Variants in NFATC1 observed in about 807,000 individuals in gnomAD.
The protein encoded by NFATC1 is nuclear factor of activated T-cells, cytoplasmic 1.
Under a neutral mutation model 76.0 loss-of-function variants are expected in NFATC1, and 22 were observed. The observed-to-expected ratio is 0.29, with a 90% CI of 0.21 to 0.41. The LOEUF (loss-of-function observed/expected upper bound fraction) is 0.41. Ranked by LOEUF, NFATC1 falls within the 10% of genes least tolerant of loss-of-function variation. NFATC1 has a pLI of 1.00. For synonymous variants in NFATC1, 704 were observed against 613.1 expected, an observed-to-expected ratio of 1.15 and a Z score of -2.19; for missense variants, 1,357 against 1,337.7, an observed-to-expected ratio of 1.01 and a Z score of -0.23.
At chr18:79,424,995 A>G (rs111067471) in intron 2 of NFATC1, among the ~76,000 whole-genome samples, 44,596 of 105,616 alleles carry the variant, frequency 0.42, 7,937 homozygotes, top group African/African-American at 0.59. Context: ...CTCTGTGTCT[A>G]TCTCTGTGTC....
At chr18:79,407,806 T>G (rs550714952) in intron 1 of NFATC1, among the ~76,000 whole-genome samples, 1 of 152,272 alleles carries the variant, frequency 6.6e-6, no homozygotes, top group African/African-American at 2.4e-5. Flanking sequence ...GTGGCTCCCG[T>G]CCTCTTGAGG....
At chr18:79,453,516 CTG>C (rs1047418748) in intron 6 of NFATC1, among the ~76,000 whole-genome samples, 2 of 152,248 alleles carry the variant, frequency 1.3e-5, no homozygotes, top group African/African-American at 4.8e-5. Flanking sequence ...TTCATCATCA[CTG>C]TGAGCTGTGG....
In NFATC1 at chr18:79,486,506, G is replaced by A. The variant is rs779993281; in HGVS notation, c.2351G>A (p.Gly784Asp). The change falls in exon 9 of 10, where the codon GGC becomes GAC. Residue 784 changes from glycine to aspartate, a missense_variant. Coordinates refer to ENST00000427363, the MANE Select transcript of NFATC1 (RefSeq NM_001278669.2). The part of the protein sequence containing the change: ...AAYTKGVASP[G>D]HCHLGLPQPA... Reference sequence around the variant, plus strand: ...TACACCAAGGGCGTTGCCAGCCCGGGCCACTGTCACCTCGGACTCCCGCAG... The same window carrying A: ...TACACCAAGGGCGTTGCCAGCCCGGACCACTGTCACCTCGGACTCCCGCAG... The A allele has an allele frequency of 1.9e-6, 3 of 1,604,080 alleles. No individual in the cohort carries two copies. The highest frequency in any genetic ancestry group is 1.7e-5 in the Admixed American group (1 of 59,922).
intron 6 of NFATC1, among the ~76,000 whole-genome samples, chr18:79,452,626 T>G (rs1487886893): frequency 1.3e-5 from 2 of 152,152 alleles, no homozygotes; most frequent in African/African-American, 4.8e-5. Flanking sequence ...GCTGCACTGA[T>G]GGGAAACTGG....
At chr18:79,488,298 T>TGTGTGTG (rs1491433858) in intron 9 of NFATC1, among the ~76,000 whole-genome samples, 2 of 141,010 alleles carry the variant, frequency 1.4e-5, no homozygotes, top group African/African-American at 6.0e-5. Flanking sequence ...GCAGCCCTGG[T>TGTGTGTG]TGTGTGTGTG....
At chr18:79,398,518 G>C (rs528103485) in intron 1 of NFATC1, among the ~76,000 whole-genome samples, 7 of 152,348 alleles carry the variant, frequency 4.6e-5, no homozygotes, top group African/African-American at 1.4e-4. Context: ...TTTGCAGGAA[G>C]GAAGCCCAGC....
intron 8 of NFATC1, among the ~76,000 whole-genome samples, chr18:79,484,066 G>T (rs1166358444): frequency 1.3e-5 from 2 of 151,840 alleles, no homozygotes; most frequent in Non-Finnish European, 2.9e-5. Context: ...TGGTCCTGGG[G>T]TGTCATTCCA....
chr18:79,495,595 G>C (rs1418636142), intron 9 of NFATC1, among the ~76,000 whole-genome samples: 1 of 152,256 alleles, frequency 6.6e-6, no homozygotes, highest in East Asian at 1.9e-4. Flanking sequence ...CAGAGCTTGG[G>C]CAATGAGCAC....
At chr18:79,506,182 G>A (rs776609105) in intron 9 of NFATC1, among the ~76,000 whole-genome samples, 14 of 152,304 alleles carry the variant, frequency 9.2e-5, no homozygotes, top group South Asian at 2.1e-4. Context: ...TATAAAGAGC[G>A]GTTCGCCGTG....
At chr18:79,461,978 G>A (rs1250304880) in intron 7 of NFATC1, among the ~76,000 whole-genome samples, 3 of 152,242 alleles carry the variant, frequency 2.0e-5, no homozygotes, top group Non-Finnish European at 2.9e-5. Context: ...GCATGTGTGC[G>A]GGGTCGTGGC....
At chr18:79,475,424 C>T (rs936573015) in intron 8 of NFATC1, among the ~76,000 whole-genome samples, 11 of 146,610 alleles carry the variant, frequency 7.5e-5, no homozygotes, top group African/African-American at 2.8e-4. Context: ...ACGTTGTAAA[C>T]CCGAGGGAAG....
In NFATC1 at chr18:79,454,144, G is replaced by A. The variant is rs577918853; in HGVS notation, c.1903+2328G>A. ...GGGGAGGTTCCTGCTGAGGAAATCC[G>A]TCAGTAGGGCAGTTGAAGTGGCTTC... On this transcript the variant is annotated intron_variant, in intron 6 of 9. Transcript: ENST00000427363. Among the ~76,000 whole-genome samples the A allele has an allele frequency of 2.6e-5, 4 of 152,262 alleles. 1 individual carries two copies. Among genetic ancestry groups the A allele is most frequent in the South Asian group, 4.2e-4 (2 of 4,818 alleles).
chr18:79,466,224 A>C (rs2088486419), intron 7 of NFATC1, among the ~76,000 whole-genome samples: 1 of 152,258 alleles, frequency 6.6e-6, no homozygotes, highest in South Asian at 2.1e-4. Context: ...TTTCATTGTT[A>C]ATGTGATTCA....
At chr18:79,514,977 G>A (rs940097075) in intron 9 of NFATC1, among the ~76,000 whole-genome samples, 4 of 151,456 alleles carry the variant, frequency 2.6e-5, no homozygotes, top group African/African-American at 7.3e-5. Context: ...CTGGGAGGTC[G>A]AGGCTGCAGT....
intron 9 of NFATC1, among the ~76,000 whole-genome samples, chr18:79,513,539 G>A (rs938089516): frequency 3.3e-5 from 5 of 152,238 alleles, no homozygotes; most frequent in African/African-American, 9.6e-5. Context: ...ACGATAATTC[G>A]AAAACATCGT....
intron 2 of NFATC1, among the ~76,000 whole-genome samples, chr18:79,429,398 G>C (rs2086510812): frequency 6.6e-6 from 1 of 151,942 alleles, no homozygotes; most frequent in Admixed American, 6.6e-5. Flanking sequence ...GTTGTGTTGA[G>C]TGTCACTTTT....
intron 2 of NFATC1, among the ~76,000 whole-genome samples, chr18:79,412,509 G>A (rs997147035): frequency 6.9e-6 from 1 of 143,910 alleles, no homozygotes; most frequent in African/African-American, 2.6e-5. Context: ...GCGAGACCCC[G>A]CAGAGCGGAG....
Position 79,526,549 on chromosome 18 carries a change from G to C in NFATC1, c.2783-979G>C, listed in dbSNP as rs145069995. Among the ~76,000 whole-genome samples the C allele has an allele frequency of 2.2e-3, 334 of 152,348 alleles. 1 individual carries two copies. The highest frequency in any genetic ancestry group is 7.5e-3 in the African/African-American group (312 of 41,588). Reference sequence around the variant, plus strand: ...GGCACCTTTGCTTGCCTGGGTCTCTGGCCCCGCAGAGCCTTGGGCGAGCCA... The same window carrying C: ...GGCACCTTTGCTTGCCTGGGTCTCTCGCCCCGCAGAGCCTTGGGCGAGCCA... On this transcript the variant is annotated intron_variant, in intron 9 of 9. Transcript: ENST00000427363.
intron 9 of NFATC1, among the ~76,000 whole-genome samples, chr18:79,522,103 T>C (rs1340163436): frequency 1.0e-5 from 1 of 96,650 alleles, no homozygotes; most frequent in East Asian, 3.7e-4. Flanking sequence ...TCTGCTGATG[T>C]GTGTTTTGTT....
Sources: gnomAD v4.1 joint callset for allele counts (sites outside exome capture counted in the v4.1 genomes callset) on GRCh38, gnomAD v4.1.1 for gene constraint, MANE v1.5 for transcripts, NCBI Gene and HGNC (gene_info 2026-07-23, HGNC 2026-07-21) for gene names.